PVT1: variants seen among roughly 807,000 people sequenced by gnomAD.
PVT1 encodes CXCR4/PVT1 fusion.
At chr8:128,048,945 C>T (rs565637557) in intron 4 of PVT1, among the ~76,000 whole-genome samples, 20 of 152,338 alleles carry the variant, frequency 1.3e-4, no homozygotes, top group Middle Eastern at 3.4e-3. Context: ...GCACTTCTTT[C>T]GGCTGCCCAG....
At chr8:127,868,675 G>T (rs896658993) in intron 2 of PVT1, among the ~76,000 whole-genome samples, 1 of 148,964 alleles carries the variant, frequency 6.7e-6, no homozygotes, top group Admixed American at 6.8e-5. Flanking sequence ...ACAGTGCTGG[G>T]ATTACAGGTG....
intron 2 of PVT1, among the ~76,000 whole-genome samples, chr8:127,867,978 T>A (rs1043953455): frequency 1.3e-5 from 2 of 152,222 alleles, no homozygotes; most frequent in Non-Finnish European, 2.9e-5. Flanking sequence ...GGCATGAGGC[T>A]CCTTCCTCTG....
At chr8:128,018,377 T>A (rs932062198) in intron 4 of PVT1, among the ~76,000 whole-genome samples, 1 of 152,264 alleles carries the variant, frequency 6.6e-6, no homozygotes, top group African/African-American at 2.4e-5. Flanking sequence ...AGCCCCTTTG[T>A]GCCTCTGTCA....
chr8:128,038,859 G>A (rs980661100), intron 4 of PVT1, among the ~76,000 whole-genome samples: 16 of 152,102 alleles, frequency 1.1e-4, no homozygotes, highest in South Asian at 1.0e-3. Context: ...GCAGGTCTTC[G>A]GAAGGAGATT....
intron 2 of PVT1, among the ~76,000 whole-genome samples, chr8:127,832,225 G>A (rs914756082): frequency 1.3e-5 from 2 of 152,144 alleles, no homozygotes; most frequent in African/African-American, 4.8e-5. Flanking sequence ...TGTGAACCCA[G>A]TGAAGGGAGG....
Position 127,822,835 on chromosome 8 carries a change from G to C in PVT1, n.372+26764G>C, listed in dbSNP as rs577067962. Among the ~76,000 whole-genome samples the C allele has an allele frequency of 2.0e-4, 30 of 152,306 alleles. No homozygotes were observed. In the East Asian group the frequency reaches 5.2e-3, roughly 26 times the overall value. On this transcript the variant is annotated intron_variant and non_coding_transcript_variant, in intron 2 of 10. Coordinates refer to ENST00000651587, the Ensembl canonical transcript of PVT1. ...TCAGTTTGCCTGAGCAAACTGCAAT[G>C]TGGCAAGTGGGAAATGAACCCAAGC...
intron 2 of PVT1, among the ~76,000 whole-genome samples, chr8:127,811,426 T>G (rs1388730354): frequency 2.0e-5 from 3 of 152,164 alleles, no homozygotes; most frequent in East Asian, 3.9e-4. Flanking sequence ...CCTCAGGCAT[T>G]TCATGTCTTT....
At chr8:127,976,569 G>A (rs1816824793) in intron 3 of PVT1, among the ~76,000 whole-genome samples, 1 of 152,184 alleles carries the variant, frequency 6.6e-6, no homozygotes, top group Non-Finnish European at 1.5e-5. Context: ...GATTTGTGGA[G>A]TACAGTTGGA....
chr8:127,893,338 G>T (rs868000203), intron 3 of PVT1, among the ~76,000 whole-genome samples: 2 of 151,976 alleles, frequency 1.3e-5, no homozygotes, highest in African/African-American at 4.8e-5. Flanking sequence ...GTGCAGTGGC[G>T]CAATCTCGGC....
intron 3 of PVT1, among the ~76,000 whole-genome samples, chr8:127,956,398 A>C (rs1816569367): frequency 6.6e-6 from 1 of 152,248 alleles, no homozygotes; most frequent in South Asian, 2.1e-4. Flanking sequence ...GAGCTGTTGC[A>C]GGAGAAAGAA....
chr8:127,906,024 C>T (rs1563635568), intron 3 of PVT1, among the ~76,000 whole-genome samples: 1 of 152,374 alleles, frequency 6.6e-6, no homozygotes, highest in African/African-American at 2.4e-5. Flanking sequence ...ACCCCACACA[C>T]ACCAAGTATC....
At chr8:127,961,749 G>A (rs1431491956) in intron 3 of PVT1, among the ~76,000 whole-genome samples, 2 of 152,226 alleles carry the variant, frequency 1.3e-5, no homozygotes, top group Non-Finnish European at 2.9e-5. Context: ...GAAAGCACTG[G>A]TTTCCTTCCA....
At chr8:127,950,196 G>A (rs769181798) in intron 3 of PVT1, among the ~76,000 whole-genome samples, 9 of 152,214 alleles carry the variant, frequency 5.9e-5, no homozygotes, top group Non-Finnish European at 1.2e-4. Context: ...CTTGACAGTG[G>A]GAATGCTAAC....
intron 3 of PVT1, among the ~76,000 whole-genome samples, chr8:127,943,491 C>G (rs1430753157): frequency 6.6e-6 from 1 of 152,156 alleles, no homozygotes; most frequent in Non-Finnish European, 1.5e-5. Context: ...AGCCTTGGCG[C>G]TGTTCATATT....
intron 4 of PVT1, among the ~76,000 whole-genome samples, chr8:128,015,130 C>T (rs1563666220): frequency 6.6e-6 from 1 of 151,740 alleles, no homozygotes; most frequent in Non-Finnish European, 1.5e-5. Context: ...CACTCTGTTG[C>T]CCAGGCTGGA....
intron 2 of PVT1, among the ~76,000 whole-genome samples, chr8:127,887,178 A>C (rs895400846): frequency 2.6e-5 from 4 of 152,026 alleles, no homozygotes; most frequent in African/African-American, 9.7e-5. Flanking sequence ...TTCTTCTTTC[A>C]CTTTCACCTA....
chr8:128,024,915 T>G (rs976388999), intron 4 of PVT1, among the ~76,000 whole-genome samples: 3 of 152,254 alleles, frequency 2.0e-5, no homozygotes, highest in African/African-American at 7.2e-5. Context: ...TTGACCAGGC[T>G]GATCTTAAAC....
chr8:128,064,653 A>G (rs376937698), intron 4 of PVT1, among the ~76,000 whole-genome samples: 1 of 152,220 alleles, frequency 6.6e-6, no homozygotes. Flanking sequence ...GTTAAGTGCT[A>G]TAAACAGAAT....
intron 5 of PVT1, among the ~76,000 whole-genome samples, chr8:128,080,356 CAAT>C (rs1285596614): frequency 2.0e-5 from 3 of 152,346 alleles, no homozygotes; most frequent in Non-Finnish European, 2.9e-5. Flanking sequence ...TTCCCACCAA[CAAT>C]GAGAGTCCCT....
Sources: gnomAD v4.1 joint callset for allele counts (sites outside exome capture counted in the v4.1 genomes callset) on GRCh38, gnomAD v4.1.1 for gene constraint, MANE v1.5 for transcripts, NCBI Gene and HGNC (gene_info 2026-07-23, HGNC 2026-07-21) for gene names.